CALR3: variants seen among roughly 807,000 people sequenced by gnomAD.
The protein encoded by CALR3 is calreticulin 3, also known as calreticulin-3.
A neutral mutation model predicts 48.7 loss-of-function variants in CALR3; 39 were observed. The observed-to-expected ratio is 0.80, with a 90% CI of 0.62 to 1.05. CALR3 has a LOEUF of 1.05. Among genes scored for constraint, CALR3 ranks in the 50% least tolerant of loss-of-function variants. The probability of loss-of-function intolerance (pLI) is 0.00; values close to 1 mark genes in which losing one functional copy is unlikely to be tolerated. For synonymous variants in CALR3, 185 were observed against 172.7 expected, an observed-to-expected ratio of 1.07 and a Z score of -0.56; for missense variants, 449 against 474.7, an observed-to-expected ratio of 0.95 and a Z score of 0.50.
intron 3 of CALR3, 135 bp from the exon 4 acceptor site, chr19:16,485,392 T>C (rs1313136798): frequency 9.3e-6 from 6 of 645,892 alleles, no homozygotes; most frequent in African/African-American, 1.8e-5. Flanking sequence ...TGATCTTGGC[T>C]CACGGAAACT....
At chr19:16,482,304 C>A in intron 7 of CALR3, 146 bp downstream of exon 7, 2 of 1,148,330 alleles carry the variant, frequency 1.7e-6, no homozygotes, top group Non-Finnish European at 2.5e-6. Flanking sequence ...ATCGCTTGGG[C>A]CTAGTTTGAG....
chr19:16,493,816 C>A (rs759495608), intron 2 of CALR3, among the ~76,000 whole-genome samples: 2 of 151,992 alleles, frequency 1.3e-5, no homozygotes, highest in African/African-American at 2.4e-5. Context: ...CAACCTCCGC[C>A]TCCTGGGTTC....
At chr19:16,480,880 G>A (rs1378812991) in intron 7 of CALR3, among the ~76,000 whole-genome samples, 174 bp from the exon 8 acceptor site, 1 of 152,046 alleles carries the variant, frequency 6.6e-6, no homozygotes, top group Non-Finnish European at 1.5e-5. Context: ...GCTTGGCCAG[G>A]CGTGGTGGTT....
At chr19:16,480,973 C>T (rs977426584) in intron 7 of CALR3, among the ~76,000 whole-genome samples, 1 of 151,894 alleles carries the variant, frequency 6.6e-6, no homozygotes. Flanking sequence ...CTGGCCAACA[C>T]GGTGAACCCC....
chr19:16,484,235 T>C lies in CALR3; in HGVS notation c.493-120A>G, dbSNP rs1256838319. The C allele has an allele frequency of 4.2e-6, 4 of 954,210 alleles. No homozygotes were observed. In the African/African-American group the frequency reaches 6.7e-5, roughly 16 times the overall value. 59.1% of individuals were successfully genotyped at this position (954,210 alleles called of 1,614,324 possible). A position where few individuals can be genotyped will look rare whatever the true frequency, so the allele number is the denominator to read the frequency against. On this transcript the variant is annotated intron_variant, in intron 4 of 8. Coordinates refer to ENST00000269881, the MANE Select transcript of CALR3 (RefSeq NM_145046.5). ...CTCTGTCGCCCAGGTTGGAGCGCTG[T>C]GGCACAATCTCGGCTCACTACAACC...
chr19:16,481,965 G>C (rs2093381502), intron 7 of CALR3, among the ~76,000 whole-genome samples: 1 of 144,808 alleles, frequency 6.9e-6, no homozygotes, highest in South Asian at 2.2e-4. Flanking sequence ...GGAGTGCAGT[G>C]GCCCGATCTC....
chr19:16,482,110 A>T (rs1731184211), intron 7 of CALR3, among the ~76,000 whole-genome samples: 1 of 150,728 alleles, frequency 6.6e-6, no homozygotes, highest in African/African-American at 2.4e-5. Context: ...GGGTTTCACC[A>T]TGTTAGCCAG....
At chr19:16,491,256 G>A (rs1251875170) in intron 2 of CALR3, among the ~76,000 whole-genome samples, 2 of 151,878 alleles carry the variant, frequency 1.3e-5, no homozygotes, top group African/African-American at 4.8e-5. Context: ...CCGAGTAGCT[G>A]GGACTACAGG....
At chr19:16,484,246 C>T (rs1268138624) in intron 4 of CALR3, 131 bp from the exon 5 acceptor site, 15 of 827,006 alleles carry the variant, frequency 1.8e-5, no homozygotes, top group Non-Finnish European at 2.6e-5. Flanking sequence ...GGCACAATCT[C>T]GGCTCACTAC....
chr19:16,484,357 AG>A (rs1260456964), intron 4 of CALR3, among the ~76,000 whole-genome samples: 2 of 151,290 alleles, frequency 1.3e-5, no homozygotes, highest in African/African-American at 4.9e-5. Flanking sequence ...TTTTGTGTCT[AG>A]TAGAGACAGA....
chr19:16,483,719 A>G, intron 5 of CALR3: 1 of 562,302 alleles, frequency 1.8e-6, no homozygotes, highest in Non-Finnish European at 3.1e-6. Flanking sequence ...ACTCTGTCTC[A>G]AAAAATAAAT....
At chr19:16,495,655 C>T (rs1599723707) in intron 2 of CALR3, 96 bp downstream of exon 2, 1 of 890,232 alleles carries the variant, frequency 1.1e-6, no homozygotes, top group East Asian at 2.6e-5. Flanking sequence ...ATCTGTAAAA[C>T]GGGAATAAAA....
chr19:16,495,145 G>C (rs2093404582), intron 2 of CALR3, among the ~76,000 whole-genome samples: 1 of 149,550 alleles, frequency 6.7e-6, no homozygotes, highest in African/African-American at 2.5e-5. Context: ...AGAATCACTT[G>C]AACCCGGGAG....
intron 2 of CALR3, 32 bp downstream of exon 2, chr19:16,495,716 CATT>C: frequency 6.6e-7 from 1 of 1,520,522 alleles, no homozygotes; most frequent in Non-Finnish European, 9.1e-7. Context: ...GGAAATGTAA[CATT>C]AGGCTCAATT....
intron 3 of CALR3, among the ~76,000 whole-genome samples, chr19:16,490,117 T>C (rs780203257): frequency 5.3e-5 from 8 of 152,178 alleles, no homozygotes; most frequent in Non-Finnish European, 1.2e-4. Context: ...TTACCCTGCA[T>C]GAGGGCAACA....
intron 8 of CALR3, among the ~76,000 whole-genome samples, chr19:16,480,027 A>G (rs2093378053): frequency 6.6e-6 from 1 of 150,882 alleles, no homozygotes; most frequent in African/African-American, 2.4e-5. Flanking sequence ...ATATGGTGAA[A>G]CCCCGTCTCT....
chr19:16,495,226 C>T (rs1160269947), intron 2 of CALR3, among the ~76,000 whole-genome samples: 1 of 47,218 alleles, frequency 2.1e-5, no homozygotes, highest in East Asian at 5.0e-4. Flanking sequence ...ACTCCTACTA[C>T]CAAAAAAAAA....
chr19:16,490,336 G>T, intron 3 of CALR3, 31 bp downstream of exon 3: 3 of 1,594,494 alleles, frequency 1.9e-6, no homozygotes, highest in Non-Finnish European at 2.6e-6. Context: ...AAAGTCACTA[G>T]AAGTGGTTGT....
Position 16,482,682 on chromosome 19 carries a change from T to C in CALR3, c.782A>G (p.Tyr261Cys). The C allele has an allele frequency of 6.2e-7, 1 of 1,614,152 alleles. No homozygotes were observed. The highest frequency in any genetic ancestry group is 1.3e-5 in the African/African-American group (1 of 75,044). ...WPAPMLQKPPYQDGLKPEGIH... is the reference protein window; with the variant it reads ...WPAPMLQKPPCQDGLKPEGIH... Reference sequence around the variant, plus strand: ...TCATACAAAGAGGCCACACACCTGGTACGGGGGCTTCTGGAGCATCGGCGC... The same window carrying C: ...TCATACAAAGAGGCCACACACCTGGCACGGGGGCTTCTGGAGCATCGGCGC... The change falls in exon 6 of 9, where the codon TAC becomes TGC. Residue 261 changes from tyrosine (Y) to cysteine (C), a missense_variant. Transcript: ENST00000269881.
Sources: gnomAD v4.1 joint callset for allele counts (sites outside exome capture counted in the v4.1 genomes callset) on GRCh38, gnomAD v4.1.1 for gene constraint, MANE v1.5 for transcripts, NCBI Gene and HGNC (gene_info 2026-07-23, HGNC 2026-07-21) for gene names.